Variants in C2orf74 observed in about 807,000 individuals in gnomAD.
The protein encoded by C2orf74 is uncharacterized protein C2orf74.
C2orf74 carries 14 observed loss-of-function variants against 17.9 expected under a neutral mutation model. The observed-to-expected ratio is 0.78, with a 90% CI of 0.52 to 1.22. C2orf74 has a LOEUF of 1.22. C2orf74 is among the 50% of genes most tolerant of loss of function. The pLI, the probability that C2orf74 is intolerant of heterozygous loss-of-function variation, is 0.00. For synonymous variants in C2orf74, 79 were observed against 72.6 expected, an observed-to-expected ratio of 1.09 and a Z score of -0.44; for missense variants, 217 against 218.4, an observed-to-expected ratio of 0.99 and a Z score of 0.04.
chr2:61,152,776 A>G (rs1366767385), intron 1 of C2orf74, among the ~76,000 whole-genome samples: 2 of 136,046 alleles, frequency 1.5e-5, no homozygotes, highest in East Asian at 2.4e-4. Context: ...TGAACCTGGG[A>G]GGAGGAGGAT....
At chr2:61,159,294 C>T (rs1029352456), upstream of C2orf74, 1 of 395,454 alleles carries the variant, frequency 2.5e-6, no homozygotes, top group Admixed American at 2.9e-5. Flanking sequence ...CCACACCCAG[C>T]CTTTTTTTTT....
In C2orf74 at chr2:61,146,217, G is replaced by C. The variant is rs528820146; in HGVS notation, c.-122+1021G>C. ...AGCTATGAAAAAGAGTGAGGAATCA[G>C]TTCCCAACATACTAATGTGGAACCA... is the stretch of plus-strand genomic sequence containing the variant. On this transcript the variant is annotated intron_variant, in intron 1 of 3. Coordinates refer to the C2orf74 transcript ENST00000426997. Among the ~76,000 whole-genome samples, 3 of 152,322 alleles carry C rather than the reference G, an allele frequency of 2.0e-5. No homozygotes were observed. In the South Asian group the frequency reaches 6.2e-4, roughly 32 times the overall value.
At chr2:61,149,043 C>G (rs1296320606) in intron 1 of C2orf74, among the ~76,000 whole-genome samples, 3 of 152,186 alleles carry the variant, frequency 2.0e-5, no homozygotes, top group Non-Finnish European at 4.4e-5. Context: ...ACAAGAAGTC[C>G]TCCACAATCT....
chr2:61,146,370 C>A (rs528623266), intron 1 of C2orf74, among the ~76,000 whole-genome samples: 325 of 152,254 alleles, frequency 2.1e-3, no homozygotes, highest in Non-Finnish European at 3.6e-3. Context: ...TGGCAATATA[C>A]TCAAGAAACT....
Position 61,154,100 on chromosome 2 carries a change from G to A in C2orf74, c.-121-8742G>A, listed in dbSNP as rs572212665. Among the ~76,000 whole-genome samples, 29 of 151,920 alleles carry A rather than the reference G, an allele frequency of 1.9e-4. 1 individual carries two copies. In the South Asian group the frequency reaches 2.1e-3, roughly 11 times the overall value. The stretch of plus-strand genomic sequence containing the variant: ...CTAATAATACAAAAATTAGCTGGGC[G>A]TGGTGGCGGATGCCTGTAATCCAGT... On this transcript the variant is annotated intron_variant, in intron 1 of 3. Transcript: ENST00000426997.
rs1685584841 is a variant in C2orf74, at chr2:61,162,289, C to T, written c.-131C>T. The T allele has an allele frequency of 1.8e-6, 1 of 564,628 alleles. No homozygotes were observed. The highest frequency in any genetic ancestry group is 4.6e-4 in the Middle Eastern group (1 of 2,154). The allele number at this position is 564,628 out of a possible 1,614,324, so 35.0% of individuals were successfully genotyped here. ...AGTCTCCCCTCTGGCCACCTCAGCC[C>T]CCACCACAGTTATGGAGAGAAATTA... is the stretch of plus-strand genomic sequence containing the variant. On this transcript the variant is annotated 5_prime_UTR_variant, in exon 1 of 5. Coordinates refer to ENST00000432605, the MANE Select transcript of C2orf74 (RefSeq NM_001143959.4).
At chr2:61,153,526 C>A (rs1189937293) in intron 1 of C2orf74, among the ~76,000 whole-genome samples, 2 of 151,486 alleles carry the variant, frequency 1.3e-5, no homozygotes, top group Non-Finnish European at 2.9e-5. Flanking sequence ...TCGTGATTCA[C>A]CCGCCTTGGC....
exon 1 of C2orf74, chr2:61,145,176 A>AGCTG (rs1342782477): frequency 6.6e-6 from 1 of 152,334 alleles, no homozygotes; most frequent in African/African-American, 2.4e-5. Flanking sequence ...GCCGGATTCC[A>AGCTG]GACTCGTGGG....
upstream of C2orf74, among the ~76,000 whole-genome samples, chr2:61,157,548 G>C (rs952875985): frequency 1.3e-5 from 2 of 152,194 alleles, no homozygotes; most frequent in Non-Finnish European, 2.9e-5. Flanking sequence ...ACAGCTGAAA[G>C]TCCAGCTTCC....
chr2:61,162,575 ATCC>A lies in C2orf74; in HGVS notation c.67_69del (p.Leu25del), dbSNP rs1475712527. The A allele has an allele frequency of 1.1e-5, 17 of 1,551,010 alleles. No individual in the cohort carries two copies. In the Admixed American group the frequency reaches 1.2e-4, roughly 11 times the overall value. On this transcript the variant is annotated inframe_deletion, in exon 2 of 5. Coordinates refer to ENST00000432605, the MANE Select transcript of C2orf74 (RefSeq NM_001143959.4). ...CATCCTTCTAATTTGCCTCATTTGC[ATCC>A]TCCTCTTATTGGTGGTTTTTTTATA...
chr2:61,154,145 A>C (rs1214056872), intron 1 of C2orf74, among the ~76,000 whole-genome samples: 1 of 151,856 alleles, frequency 6.6e-6, no homozygotes, highest in Admixed American at 6.6e-5. Flanking sequence ...GAGGCAGGAG[A>C]ATCGCTTGAA....
intron 1 of C2orf74, among the ~76,000 whole-genome samples, chr2:61,152,881 C>A (rs181560271): frequency 1.3e-5 from 2 of 148,840 alleles, no homozygotes; most frequent in Non-Finnish European, 1.5e-5. Context: ...GCCAGGCGCG[C>A]GCGGTGGCTC....
intron 1 of C2orf74, among the ~76,000 whole-genome samples, chr2:61,146,856 CA>C (rs1559173024): frequency 6.8e-6 from 1 of 146,132 alleles, no homozygotes; most frequent in African/African-American, 2.5e-5. Context: ...AAACAAAAAA[CA>C]AAAAAACTGG....
chr2:61,164,300 G>C, intron 4 of C2orf74, 54 bp from the exon 5 acceptor site: 1 of 1,398,684 alleles, frequency 7.1e-7, no homozygotes, highest in Non-Finnish European at 9.4e-7. Flanking sequence ...TTTAAAAGCA[G>C]GGCTTGTCAT....
chr2:61,162,806 C>A (rs1223964982), intron 2 of C2orf74, 36 bp from the exon 3 acceptor site: 18 of 1,509,148 alleles, frequency 1.2e-5, no homozygotes, highest in African/African-American at 2.8e-5. Flanking sequence ...CAGGGCCATT[C>A]TTCCTTTTCT....
intron 1 of C2orf74, among the ~76,000 whole-genome samples, chr2:61,149,413 C>G (rs1162638291): frequency 6.6e-6 from 1 of 152,040 alleles, no homozygotes; most frequent in Non-Finnish European, 1.5e-5. Context: ...AGTGCAACTT[C>G]AAGGTTTATT....
chr2:61,146,310 G>A (rs1004195715), intron 1 of C2orf74, among the ~76,000 whole-genome samples: 2 of 152,162 alleles, frequency 1.3e-5, no homozygotes, highest in Admixed American at 1.3e-4. Context: ...TGCTTTTTGT[G>A]TAGAAAAGGA....
chr2:61,151,144 C>T (rs1415616040), intron 1 of C2orf74, among the ~76,000 whole-genome samples: 1 of 151,514 alleles, frequency 6.6e-6, no homozygotes, highest in African/African-American at 2.4e-5. Flanking sequence ...GGTGAAACCC[C>T]GTCTCTACTA....
At chr2:61,156,472 A>C (rs1685394992) in intron 1 of C2orf74, among the ~76,000 whole-genome samples, 1 of 152,250 alleles carries the variant, frequency 6.6e-6, no homozygotes, top group African/African-American at 2.4e-5. Flanking sequence ...AAAGAGCTAG[A>C]GGCCAATAAA....
Sources: allele counts gnomAD v4.1 joint callset (sites outside exome capture counted in the v4.1 genomes callset), GRCh38; gene constraint gnomAD v4.1.1; transcripts MANE v1.5; gene names NCBI Gene and HGNC (gene_info 2026-07-23, HGNC 2026-07-21).